DENND2B: variants seen among roughly 807,000 people sequenced by gnomAD.
DENND2B encodes the protein DENN domain-containing protein 2B.
In DENND2B, 32 loss-of-function variants were observed where a neutral mutation model predicts 116.0. The ratio of observed to expected loss-of-function variants is 0.28; its 90% CI spans 0.21 to 0.37. The LOEUF is 0.37. Ranked by LOEUF, DENND2B falls within the 10% of genes least tolerant of loss-of-function variation. DENND2B has a pLI of 1.00. For synonymous variants in DENND2B, 588 were observed against 583.9 expected (o/e 1.01, Z -0.10); for missense variants, 1,276 against 1,477.7 (o/e 0.86, Z 2.24).
At chr11:8,770,831 T>C (rs914432059) in intron 1 of DENND2B, among the ~76,000 whole-genome samples, 22 of 152,160 alleles carry the variant, frequency 1.4e-4, no homozygotes, top group Middle Eastern at 3.2e-3. Context: ...GCTGGGATGA[T>C]AGGTGTGCAC....
chr11:8,841,574 T>C (rs2062624658), intron 3 of DENND2B, among the ~76,000 whole-genome samples: 1 of 152,180 alleles, frequency 6.6e-6, no homozygotes, highest in Admixed American at 6.5e-5. Flanking sequence ...TGCTTGAGCC[T>C]GGGCGGTCGA....
intron 1 of DENND2B, among the ~76,000 whole-genome samples, chr11:8,781,064 G>A (rs187158358): frequency 6.6e-6 from 1 of 152,314 alleles, no homozygotes; most frequent in Admixed American, 6.5e-5. Context: ...AAGTGAAACT[G>A]CTCCAAGTGA....
intron 1 of DENND2B, among the ~76,000 whole-genome samples, chr11:8,907,758 C>T (rs549300904): frequency 1.3e-5 from 2 of 152,158 alleles, no homozygotes; most frequent in East Asian, 1.9e-4. Flanking sequence ...GGCAGTGGCA[C>T]GATCATAGCT....
At chr11:8,826,078 G>T (rs1180615847) in intron 4 of DENND2B, among the ~76,000 whole-genome samples, 1 of 152,186 alleles carries the variant, frequency 6.6e-6, no homozygotes, top group African/African-American at 2.4e-5. Flanking sequence ...TCATGAGGTT[G>T]TAAGTTCTCC....
intron 2 of DENND2B, among the ~76,000 whole-genome samples, chr11:8,745,104 AG>A (rs1337523811): frequency 6.6e-6 from 1 of 151,954 alleles, no homozygotes; most frequent in African/African-American, 2.4e-5. Flanking sequence ...TTTGGTAGAG[AG>A]GGGGTTTCAC....
At chr11:8,723,430 A>T (rs1006018727) in intron 4 of DENND2B, among the ~76,000 whole-genome samples, 1 of 152,128 alleles carries the variant, frequency 6.6e-6, no homozygotes, top group Non-Finnish European at 1.5e-5. Flanking sequence ...ATTTTGGAAG[A>T]ACTGTTCTGG....
At chr11:8,755,200 C>G (rs1053837046) in intron 1 of DENND2B, among the ~76,000 whole-genome samples, 2 of 152,226 alleles carry the variant, frequency 1.3e-5, no homozygotes, top group African/African-American at 4.8e-5. Context: ...CAGTAGTTCT[C>G]TCCCTCTGAT....
chr11:8,699,425 C>G lies in DENND2B; in HGVS notation c.2721-35G>C, dbSNP rs761082656. The G allele has an allele frequency of 7.7e-6, 12 of 1,556,656 alleles. No individual in the cohort carries two copies. In the East Asian group the frequency reaches 2.8e-4, roughly 36 times the overall value. ...AGACAGAGAGACAGAGTACCTGAGC[C>G]CAGGCCCAGGAACTTAGAGCTCGCT... On this transcript the variant is annotated intron_variant, in intron 14 of 19. Coordinates refer to ENST00000313726, the MANE Select transcript of DENND2B (RefSeq NM_213618.2).
At chr11:8,765,757 G>T (rs1456769309) in intron 1 of DENND2B, among the ~76,000 whole-genome samples, 1 of 152,040 alleles carries the variant, frequency 6.6e-6, no homozygotes, top group Non-Finnish European at 1.5e-5. Flanking sequence ...CCTACTTAAG[G>T]CCAGGCACAG....
chr11:8,780,875 A>G (rs10219216), intron 1 of DENND2B, among the ~76,000 whole-genome samples: 146,193 of 152,192 alleles, frequency 0.96, 70,489 homozygotes, highest in East Asian at 1. Flanking sequence ...GAGAATTTCT[A>G]CCTTTGAAGC....
chr11:8,855,435 A>T (rs2063160938), intron 3 of DENND2B, among the ~76,000 whole-genome samples: 1 of 150,998 alleles, frequency 6.6e-6, no homozygotes, highest in South Asian at 2.1e-4. Context: ...ATGATGGATC[A>T]TGCTAAATTT....
chr11:8,836,284 CT>C (rs1374456930), intron 4 of DENND2B, among the ~76,000 whole-genome samples: 1 of 151,890 alleles, frequency 6.6e-6, no homozygotes, highest in African/African-American at 2.4e-5. Context: ...AAATATTCTA[CT>C]TAGCTCCACA....
At chr11:8,802,491 G>A (rs543956088) in intron 1 of DENND2B, among the ~76,000 whole-genome samples, 177 of 152,188 alleles carry the variant, frequency 1.2e-3, no homozygotes, top group Admixed American at 3.3e-3. Context: ...AGGAACCAGG[G>A]CACGGACAAG....
chr11:8,871,214 G>C (rs1008240046), intron 1 of DENND2B: 6 of 151,984 alleles, frequency 3.9e-5, no homozygotes, highest in African/African-American at 1.5e-4. Flanking sequence ...CGGAGGCGCC[G>C]GAGGCAGCGA....
intron 2 of DENND2B, among the ~76,000 whole-genome samples, chr11:8,863,283 G>A (rs1365456625): frequency 4.8e-5 from 6 of 125,182 alleles, no homozygotes; most frequent in Non-Finnish European, 8.3e-5. Flanking sequence ...TTGAGACCGA[G>A]TCTTGCTCTG....
chr11:8,887,158 C>A (rs759791811), intron 1 of DENND2B, among the ~76,000 whole-genome samples: 1 of 152,312 alleles, frequency 6.6e-6, no homozygotes, highest in Non-Finnish European at 1.5e-5. Context: ...AATAAATTTT[C>A]ATTTTGCAGC....
At chr11:8,763,497 C>G (rs2055048623) in intron 1 of DENND2B, among the ~76,000 whole-genome samples, 1 of 151,662 alleles carries the variant, frequency 6.6e-6, no homozygotes, top group East Asian at 1.9e-4. Flanking sequence ...TGCTCATAAT[C>G]AGAAGAAGAG....
intron 2 of DENND2B, among the ~76,000 whole-genome samples, chr11:8,739,278 G>C (rs1307440740): frequency 6.6e-6 from 1 of 152,016 alleles, no homozygotes; most frequent in East Asian, 1.9e-4. Flanking sequence ...GTCAGCCCCC[G>C]AAGCCCTCTC....
rs982992612 is a variant in DENND2B, at chr11:8,843,287, C to T, written c.-155-3937G>A. On this transcript the variant is annotated intron_variant, in intron 3 of 6. Coordinates refer to the DENND2B transcript ENST00000524757. ...CCTCCCAAAGTGCAGGGATTACAGGCGCGAGCCACCGTGCCCGGCCGGAGT... is the reference window on the plus strand; with the variant it reads ...CCTCCCAAAGTGCAGGGATTACAGGTGCGAGCCACCGTGCCCGGCCGGAGT... Among the ~76,000 whole-genome samples, 12 of 152,182 alleles carry T rather than the reference C, an allele frequency of 7.9e-5. 1 individual carries two copies. The highest frequency in any genetic ancestry group is 2.9e-4 in the African/African-American group (12 of 41,522).
Sources: gnomAD v4.1 joint callset for allele counts (sites outside exome capture counted in the v4.1 genomes callset) on GRCh38, gnomAD v4.1.1 for gene constraint, MANE v1.5 for transcripts, NCBI Gene and HGNC (gene_info 2026-07-23, HGNC 2026-07-21) for gene names.